The following IPO11 variants were observed in gnomAD, a reference collection of about 807,000 sequenced individuals.
IPO11 encodes importin 11, also known as importin-11.
IPO11 carries 66 observed loss-of-function variants against 143.2 expected under a neutral mutation model. That is an observed-to-expected ratio of 0.46 (90% CI 0.38 to 0.57). IPO11 has a LOEUF of 0.57. Ranked by LOEUF, IPO11 falls within the 20% of genes least tolerant of loss-of-function variation. The pLI is 0.00. For missense variants in IPO11, 1,026 were observed against 1,141.0 expected (o/e 0.90, Z 1.45); for synonymous variants, 385 against 377.8 (o/e 1.02, Z -0.22).
In IPO11 at chr5:62,485,413, T is replaced by A; in HGVS notation, c.1175-6T>A. ...AAATGTCATTATTACATATTTTTAA[T>A]TGCAGCAGTGGAAGAAACAGGAGGA... On this transcript the variant is annotated splice_polypyrimidine_tract_variant and splice_region_variant and intron_variant, in intron 11 of 29. Transcript: ENST00000325324. The A allele has an allele frequency of 6.2e-7, 1 of 1,604,966 alleles. No individual in the cohort carries two copies. Among genetic ancestry groups the A allele is most frequent in the Non-Finnish European group, 8.5e-7 (1 of 1,171,974 alleles).
At position 62,451,928 on chromosome 5, in the gene IPO11, TATG is replaced by T; in HGVS notation, c.515_516+1del. On this transcript the variant is annotated inframe_deletion and splice_region_variant, in exon 5 of 30. Coordinates refer to ENST00000325324, the MANE Select transcript of IPO11 (RefSeq NM_016338.5). ...ACTTGCTGCTGATAGAAAACTATTT[TATG>T]ATGTAAGTGATTTCACATAGTTAAA... 6.2e-7 allele frequency: 1 copy of T among 1,610,922 alleles called. No homozygotes were observed. Among genetic ancestry groups the T allele is most frequent in the African/African-American group, 1.3e-5 (1 of 74,972 alleles).
At chr5:62,426,674 T>C (rs1467113199) in intron 1 of IPO11, among the ~76,000 whole-genome samples, 12 of 151,934 alleles carry the variant, frequency 7.9e-5, no homozygotes, top group Non-Finnish European at 1.3e-4. Context: ...ATTATTAAAG[T>C]GTGTTGACTA....
At chr5:62,423,437 C>T (rs1743587985) in intron 1 of IPO11, among the ~76,000 whole-genome samples, 1 of 152,158 alleles carries the variant, frequency 6.6e-6, no homozygotes, top group Non-Finnish European at 1.5e-5. Context: ...GTAAGTACAG[C>T]AATAGAAGTG....
chr5:62,479,060 A>G (rs369943701), intron 9 of IPO11, among the ~76,000 whole-genome samples: 2 of 152,016 alleles, frequency 1.3e-5, no homozygotes, highest in African/African-American at 2.4e-5. Flanking sequence ...TGCATTAGGT[A>G]TTTCTCCTAA....
chr5:62,508,953 G>A (rs1454015403), intron 19 of IPO11, among the ~76,000 whole-genome samples: 1 of 152,158 alleles, frequency 6.6e-6, no homozygotes, highest in Non-Finnish European at 1.5e-5. Flanking sequence ...ATACTATGCA[G>A]CCATAAAGAA....
chr5:62,579,206 G>C (rs16890852), intron 27 of IPO11, among the ~76,000 whole-genome samples: 11,612 of 151,938 alleles, frequency 0.076, 690 homozygotes, highest in East Asian at 0.26. Context: ...TCAAATAGTG[G>C]GTTAATGGCC....
chr5:62,420,691 C>T (rs1019424553), intron 1 of IPO11, among the ~76,000 whole-genome samples: 2 of 151,972 alleles, frequency 1.3e-5, no homozygotes, highest in East Asian at 1.9e-4. Context: ...GTGATTCTCC[C>T]ATCTCAGCCT....
intron 28 of IPO11, among the ~76,000 whole-genome samples, chr5:62,598,680 G>A (rs1170592329): frequency 1.3e-5 from 2 of 150,564 alleles, no homozygotes; most frequent in Non-Finnish European, 3.0e-5. Flanking sequence ...GAGTAGCTGG[G>A]ATTACAGGCA....
chr5:62,621,370 T>TG (rs1165508103), intron 29 of IPO11, among the ~76,000 whole-genome samples: 2 of 152,182 alleles, frequency 1.3e-5, no homozygotes, highest in Non-Finnish European at 2.9e-5. Context: ...CAGGGGTACC[T>TG]GTTAACAGGT....
intron 2 of IPO11, among the ~76,000 whole-genome samples, chr5:62,442,291 A>G (rs1744512459): frequency 6.6e-6 from 1 of 152,136 alleles, no homozygotes. Context: ...CTAATTTGGA[A>G]GTTATATATT....
intron 28 of IPO11, 35 bp downstream of exon 28, chr5:62,591,707 TG>T: frequency 7.3e-7 from 1 of 1,366,616 alleles, no homozygotes; most frequent in Non-Finnish European, 1.0e-6. Context: ...TAATTGGACT[TG>T]GGGGATAATT....
intron 24 of IPO11, among the ~76,000 whole-genome samples, chr5:62,549,530 A>C (rs1251237000): frequency 2.6e-5 from 4 of 152,198 alleles, no homozygotes; most frequent in Non-Finnish European, 5.9e-5. Context: ...AATGGAAGTC[A>C]TAAGGGAAAC....
chr5:62,579,987 G>A (rs1425855342), intron 27 of IPO11: 1 of 1,551,130 alleles, frequency 6.4e-7, no homozygotes, highest in African/African-American at 1.4e-5. Context: ...TTGCTCTTCG[G>A]ATACTTGATT....
chr5:62,526,601 A>G (rs371032771), intron 21 of IPO11: 4 of 200,420 alleles, frequency 2.0e-5, no homozygotes, highest in East Asian at 1.4e-4. Context: ...TCCTCTTACT[A>G]CTTAACCAAG....
intron 27 of IPO11, among the ~76,000 whole-genome samples, chr5:62,586,921 A>C (rs1744816670): frequency 6.6e-6 from 1 of 151,038 alleles, no homozygotes; most frequent in Non-Finnish European, 1.5e-5. Context: ...TGAAAAAAAT[A>C]ATTCTGTCAA....
chr5:62,591,257 T>G (rs539671491), intron 27 of IPO11, among the ~76,000 whole-genome samples: 1 of 152,202 alleles, frequency 6.6e-6, no homozygotes, highest in Non-Finnish European at 1.5e-5. Context: ...AGCAGAAATT[T>G]TTACTTGTCA....
At chr5:62,422,840 A>G (rs1262689967) in intron 1 of IPO11, among the ~76,000 whole-genome samples, 1 of 152,164 alleles carries the variant, frequency 6.6e-6, no homozygotes, top group East Asian at 1.9e-4. Flanking sequence ...TCTCCCCACT[A>G]TAAAATATGC....
At chr5:62,446,400 A>T (rs1744723740) in intron 3 of IPO11, among the ~76,000 whole-genome samples, 1 of 152,238 alleles carries the variant, frequency 6.6e-6, no homozygotes, top group Non-Finnish European at 1.5e-5. Context: ...ACGAGGTTGC[A>T]CTTCCACAGC....
At chr5:62,546,390 T>C (rs1428314439) in intron 24 of IPO11, among the ~76,000 whole-genome samples, 1 of 152,050 alleles carries the variant, frequency 6.6e-6, no homozygotes, top group African/African-American at 2.4e-5. Context: ...TAGATGGAAA[T>C]TGAACAATGA....
Sources: allele counts gnomAD v4.1 joint callset (sites outside exome capture counted in the v4.1 genomes callset), GRCh38; gene constraint gnomAD v4.1.1; transcripts MANE v1.5; gene names NCBI Gene and HGNC (gene_info 2026-07-23, HGNC 2026-07-21).